The following BBS9 variants were observed in gnomAD, a reference collection of about 807,000 sequenced individuals.
The protein encoded by BBS9 is protein PTHB1.
Under a neutral mutation model 117.7 loss-of-function variants are expected in BBS9, and 89 were observed. The ratio of observed to expected loss-of-function variants is 0.76; its 90% CI spans 0.64 to 0.90. The LOEUF (loss-of-function observed/expected upper bound fraction) is 0.90. Among genes scored for constraint, BBS9 ranks in the 40% least tolerant of loss-of-function variants. The pLI is 0.00. For synonymous variants in BBS9, 379 were observed against 370.9 expected, an observed-to-expected ratio of 1.02 and a Z score of -0.25; for missense variants, 982 against 1,042.2, an observed-to-expected ratio of 0.94 and a Z score of 0.80.
intron 19 of BBS9, among the ~76,000 whole-genome samples, chr7:33,469,482 C>T (rs1316178801): frequency 6.6e-6 from 1 of 151,918 alleles, no homozygotes; most frequent in African/African-American, 2.4e-5. Flanking sequence ...TTTCTGTAGA[C>T]AGGAGGGATA....
intron 5 of BBS9, among the ~76,000 whole-genome samples, chr7:33,238,012 T>C (rs1046174974): frequency 2.0e-5 from 3 of 152,210 alleles, no homozygotes; most frequent in African/African-American, 7.2e-5. Flanking sequence ...TCATATACAG[T>C]GGACATTGTT....
intron 19 of BBS9, among the ~76,000 whole-genome samples, chr7:33,391,917 T>A (rs766407878): frequency 3.9e-4 from 60 of 152,362 alleles, no homozygotes; most frequent in Non-Finnish European, 7.1e-4. Flanking sequence ...AATCTGTCCA[T>A]CTTTTTCGTT....
At chr7:33,161,952 A>G (rs2128127218) in intron 4 of BBS9, among the ~76,000 whole-genome samples, 1 of 152,242 alleles carries the variant, frequency 6.6e-6, no homozygotes, top group East Asian at 1.9e-4. Context: ...TCCTTTGCCC[A>G]CTTGTTGATG....
intron 21 of BBS9, among the ~76,000 whole-genome samples, chr7:33,589,243 A>T (rs1861470488): frequency 6.6e-6 from 1 of 152,158 alleles, no homozygotes; most frequent in Non-Finnish European, 1.5e-5. Flanking sequence ...CTATACAATA[A>T]CAGGCAGGCA....
chr7:33,230,219 T>C (rs1792085556), intron 5 of BBS9, among the ~76,000 whole-genome samples: 1 of 152,188 alleles, frequency 6.6e-6, no homozygotes, highest in South Asian at 2.1e-4. Flanking sequence ...TTTCGTTGAT[T>C]GTTTCCTTTG....
intron 9 of BBS9, among the ~76,000 whole-genome samples, chr7:33,308,698 A>G (rs1425824677): frequency 6.6e-6 from 1 of 152,184 alleles, no homozygotes; most frequent in Non-Finnish European, 1.5e-5. Context: ...CAAGAGATGA[A>G]TAGATCTCTC....
At chr7:33,595,397 A>G (rs1489796587) in intron 21 of BBS9, among the ~76,000 whole-genome samples, 1 of 152,228 alleles carries the variant, frequency 6.6e-6, no homozygotes, top group African/African-American at 2.4e-5. Context: ...GACACTTCTC[A>G]AAAGAAGACA....
intron 21 of BBS9, among the ~76,000 whole-genome samples, chr7:33,586,735 C>T (rs1402608806): frequency 3.3e-5 from 5 of 152,090 alleles, no homozygotes; most frequent in Admixed American, 2.6e-4. Flanking sequence ...ACAATGAAAG[C>T]ATGTCCTTTG....
intron 9 of BBS9, among the ~76,000 whole-genome samples, chr7:33,306,724 T>G (rs1340781545): frequency 6.6e-6 from 1 of 152,132 alleles, no homozygotes; most frequent in Non-Finnish European, 1.5e-5. Context: ...TAGAATCCAA[T>G]AAAAGATAGC....
chr7:33,306,488 T>G (rs573311467), intron 9 of BBS9, among the ~76,000 whole-genome samples: 1 of 152,230 alleles, frequency 6.6e-6, no homozygotes. Flanking sequence ...ATGAGTCTTT[T>G]ACAATCAATA....
At chr7:33,515,348 A>G (rs1398257086) in intron 20 of BBS9, among the ~76,000 whole-genome samples, 1 of 150,768 alleles carries the variant, frequency 6.6e-6, no homozygotes, top group Non-Finnish European at 1.5e-5. Context: ...GCAAGTCATT[A>G]AACTACAGCT....
intron 19 of BBS9, among the ~76,000 whole-genome samples, chr7:33,479,968 CT>C (rs1207828488): frequency 6.6e-6 from 1 of 151,942 alleles, no homozygotes; most frequent in African/African-American, 2.4e-5. Flanking sequence ...GATATTAGAC[CT>C]TTGTTGGATG....
At chr7:33,410,666 G>A (rs1205965480) in intron 19 of BBS9, among the ~76,000 whole-genome samples, 1 of 151,998 alleles carries the variant, frequency 6.6e-6, no homozygotes, top group Non-Finnish European at 1.5e-5. Flanking sequence ...TTCTCTTTAA[G>A]ATCAACCCTT....
chr7:33,311,573 T>C (rs1428020968), intron 9 of BBS9, among the ~76,000 whole-genome samples: 1 of 152,172 alleles, frequency 6.6e-6, no homozygotes, highest in African/African-American at 2.4e-5. Flanking sequence ...CAAAAATGTC[T>C]ACATATTCCG....
In BBS9 at chr7:33,428,264, T is replaced by G. The variant is rs1408783663; in HGVS notation, c.2115+40120T>G. 2.0e-5 allele frequency among the ~76,000 whole-genome samples: 3 copies of G among 152,190 alleles called. No homozygotes were observed. The East Asian group carries it at 5.8e-4, about 29-fold the overall frequency. On this transcript the variant is annotated intron_variant, in intron 19 of 22. Transcript: ENST00000242067. The stretch of plus-strand genomic sequence containing the variant: ...ATTTTAGTCACATTTGTGCAATTGA[T>G]TTTTGACAGGTGTGGTTCTAGGATA...
chr7:33,432,210 G>A (rs1173964354), intron 19 of BBS9, among the ~76,000 whole-genome samples: 1 of 150,806 alleles, frequency 6.6e-6, no homozygotes, highest in Admixed American at 6.6e-5. Context: ...CCAGGTTCAC[G>A]CCGTTCTCTT....
intron 19 of BBS9, among the ~76,000 whole-genome samples, chr7:33,433,485 T>A (rs1834837146): frequency 6.6e-6 from 1 of 152,222 alleles, no homozygotes; most frequent in South Asian, 2.1e-4. Flanking sequence ...AAGTTCTTCC[T>A]CTGTTTTTAT....
chr7:33,207,556 C>A (rs1311173591), intron 5 of BBS9, among the ~76,000 whole-genome samples: 1 of 147,502 alleles, frequency 6.8e-6, no homozygotes, highest in South Asian at 2.1e-4. Context: ...TTTTTGTTAG[C>A]ATTTCTTTAC....
intron 19 of BBS9, among the ~76,000 whole-genome samples, chr7:33,401,595 G>A (rs1327594003): frequency 6.6e-6 from 1 of 152,170 alleles, no homozygotes; most frequent in Non-Finnish European, 1.5e-5. Context: ...TGAATTCAAG[G>A]ATTTTCTAAT....
Sources: allele counts gnomAD v4.1 joint callset (sites outside exome capture counted in the v4.1 genomes callset), GRCh38; gene constraint gnomAD v4.1.1; transcripts MANE v1.5; gene names NCBI Gene and HGNC (gene_info 2026-07-23, HGNC 2026-07-21).